ELMO1: variants seen among roughly 807,000 people sequenced by gnomAD.
The protein encoded by ELMO1 is engulfment and cell motility 1.
In ELMO1, 26 loss-of-function variants were observed where a neutral mutation model predicts 98.9. The ratio of observed to expected loss-of-function variants is 0.26; its 90% confidence interval spans 0.19 to 0.36. The LOEUF (loss-of-function observed/expected upper bound fraction) is 0.36. Ranked by LOEUF, ELMO1 falls within the 10% of genes least tolerant of loss-of-function variation. The pLI, the probability that ELMO1 is intolerant of heterozygous loss-of-function variation, is 1.00. For missense variants in ELMO1, 627 were observed against 935.2 expected (o/e 0.67, Z 4.30); for synonymous variants, 346 against 346.0 (o/e 1.00, Z 0.00).
chr7:37,094,451 G>T lies in ELMO1; in HGVS notation c.1300+2168C>A, dbSNP rs139849883. 2.0e-5 allele frequency among the ~76,000 whole-genome samples: 3 copies of T among 152,286 alleles called. No individual in the cohort carries two copies. The East Asian group carries it at 5.8e-4, about 29-fold the overall frequency. ...AGGCCAGGAGGGCTACTCTACACCT[G>T]CCAGAGGTCAAGCTCTATCCCCTAT... On this transcript the variant is annotated intron_variant, in intron 15 of 21. Coordinates refer to ENST00000310758, the MANE Select transcript of ELMO1 (RefSeq NM_014800.11).
At chr7:37,243,796 T>A (rs1414610413) in intron 7 of ELMO1, among the ~76,000 whole-genome samples, 1 of 152,212 alleles carries the variant, frequency 6.6e-6, no homozygotes, top group Admixed American at 6.5e-5. Flanking sequence ...CCCTGTTTAA[T>A]GGTTAAGAAA....
intron 16 of ELMO1, among the ~76,000 whole-genome samples, chr7:36,970,566 T>C (rs908815385): frequency 4.6e-5 from 7 of 152,212 alleles, no homozygotes; most frequent in Non-Finnish European, 8.8e-5. Context: ...AAAAGCTGGA[T>C]TGTATTCTTT....
intron 15 of ELMO1, among the ~76,000 whole-genome samples, chr7:37,084,390 A>G (rs1783650806): frequency 6.6e-6 from 1 of 152,240 alleles, no homozygotes; most frequent in Non-Finnish European, 1.5e-5. Flanking sequence ...TGCAGACTAC[A>G]TGTAAAACAC....
At chr7:37,362,243 G>A (rs1353087505) in intron 1 of ELMO1, among the ~76,000 whole-genome samples, 9 of 138,504 alleles carry the variant, frequency 6.5e-5, no homozygotes, top group African/African-American at 1.6e-4. Context: ...TAATTTCTCC[G>A]TTACATCCTT....
At chr7:37,105,487 T>C (rs1444673082) in intron 14 of ELMO1, among the ~76,000 whole-genome samples, 1 of 152,224 alleles carries the variant, frequency 6.6e-6, no homozygotes, top group African/African-American at 2.4e-5. Context: ...AATAGTTCTC[T>C]AACTTGAGCT....
At chr7:36,946,015 C>A (rs1425660187) in intron 16 of ELMO1, among the ~76,000 whole-genome samples, 1 of 152,180 alleles carries the variant, frequency 6.6e-6, no homozygotes, top group African/African-American at 2.4e-5. Flanking sequence ...GCCTCTCCTG[C>A]CAAAGGAGGA....
intron 4 of ELMO1, among the ~76,000 whole-genome samples, chr7:37,287,182 G>A (rs1010228492): frequency 2.0e-5 from 3 of 146,840 alleles, no homozygotes; most frequent in African/African-American, 2.6e-5. Flanking sequence ...AACAGAGCAA[G>A]AGACTCCTTC....
intron 14 of ELMO1, among the ~76,000 whole-genome samples, chr7:37,120,504 A>G (rs1201172436): frequency 6.6e-6 from 1 of 152,212 alleles, no homozygotes; most frequent in Non-Finnish European, 1.5e-5. Context: ...AGAGGGTCCC[A>G]CGCCCACAGA....
At chr7:37,084,860 G>A (rs1041109404) in intron 15 of ELMO1, among the ~76,000 whole-genome samples, 7 of 151,646 alleles carry the variant, frequency 4.6e-5, no homozygotes, top group Non-Finnish European at 7.4e-5. Context: ...GAGTTCAGGC[G>A]ATTCTCCAGC....
chr7:37,074,715 A>AT (rs1029484536), intron 15 of ELMO1, among the ~76,000 whole-genome samples: 18 of 152,334 alleles, frequency 1.2e-4, no homozygotes, highest in African/African-American at 4.3e-4. Flanking sequence ...TGGGGTTAAT[A>AT]TTAGACCAGA....
chr7:37,419,944 C>T (rs1804401005), intron 1 of ELMO1, among the ~76,000 whole-genome samples: 1 of 152,190 alleles, frequency 6.6e-6, no homozygotes, highest in Non-Finnish European at 1.5e-5. Context: ...TATGCATTTT[C>T]CCTTGCACAA....
chr7:37,280,969 G>A (rs937081810), intron 4 of ELMO1, among the ~76,000 whole-genome samples: 11 of 149,960 alleles, frequency 7.3e-5, no homozygotes, highest in African/African-American at 2.2e-4. Context: ...CATCATCAAC[G>A]AATGGATAAA....
chr7:36,999,103 C>G (rs1792439827), intron 16 of ELMO1, among the ~76,000 whole-genome samples: 1 of 151,942 alleles, frequency 6.6e-6, no homozygotes, highest in South Asian at 2.1e-4. Context: ...TCCCCGGGGC[C>G]ACAGCATTGT....
intron 16 of ELMO1, among the ~76,000 whole-genome samples, chr7:36,999,623 G>C (rs1792492098): frequency 6.6e-6 from 1 of 152,218 alleles, no homozygotes; most frequent in South Asian, 2.1e-4. Flanking sequence ...GAAGAAGACT[G>C]TGTCAGAAAC....
chr7:37,399,150 G>GC (rs774721425), intron 1 of ELMO1, among the ~76,000 whole-genome samples: 30 of 152,200 alleles, frequency 2.0e-4, no homozygotes, highest in Middle Eastern at 3.4e-3. Context: ...TCCTTGATCT[G>GC]CCCCCTGCTG....
At chr7:37,023,471 AC>A (rs1444288003) in intron 15 of ELMO1, among the ~76,000 whole-genome samples, 1 of 152,184 alleles carries the variant, frequency 6.6e-6, no homozygotes, top group Non-Finnish European at 1.5e-5. Context: ...GGGTAAAAAA[AC>A]TACATAACTG....
intron 17 of ELMO1, among the ~76,000 whole-genome samples, chr7:36,891,008 A>G (rs1418067622): frequency 6.7e-6 from 1 of 150,066 alleles, no homozygotes; most frequent in Admixed American, 6.6e-5. Context: ...TCTCCCAAAT[A>G]CCCACATGGC....
At chr7:37,108,086 T>G (rs1414454194) in intron 14 of ELMO1, among the ~76,000 whole-genome samples, 1 of 152,192 alleles carries the variant, frequency 6.6e-6, no homozygotes, top group East Asian at 1.9e-4. Context: ...GAAACCTAAT[T>G]AAGAAATTAG....
At chr7:37,169,217 G>C (rs1049189314) in intron 13 of ELMO1, among the ~76,000 whole-genome samples, 3 of 152,202 alleles carry the variant, frequency 2.0e-5, no homozygotes, top group African/African-American at 7.2e-5. Flanking sequence ...GGGTGGGAAT[G>C]ACCCGATTTT....
Sources: gnomAD v4.1 joint callset for allele counts (sites outside exome capture counted in the v4.1 genomes callset) on GRCh38, gnomAD v4.1.1 for gene constraint, MANE v1.5 for transcripts, NCBI Gene and HGNC (gene_info 2026-07-23, HGNC 2026-07-21) for gene names.